Variants in TTLL12 observed in about 807,000 individuals in gnomAD.
TTLL12 encodes the protein tubulin tyrosine ligase like 12, also known as tubulin--tyrosine ligase-like protein 12.
In TTLL12, 77 loss-of-function variants were observed where a neutral mutation model predicts 79.6. The observed-to-expected ratio is 0.97, with a 90% CI of 0.81 to 1.17. TTLL12 has a LOEUF of 1.17. Ranked by LOEUF, TTLL12 falls within the 50% of genes most tolerant of loss-of-function variation. The probability of loss-of-function intolerance (pLI) is 0.00; values close to 1 mark genes in which losing one functional copy is unlikely to be tolerated. For missense variants in TTLL12, 969 were observed against 895.9 expected, an observed-to-expected ratio of 1.08 and a Z score of -1.04; for synonymous variants, 437 against 376.1, an observed-to-expected ratio of 1.16 and a Z score of -1.87.
chr22:43,180,697 C>G, intron 3 of TTLL12, 45 bp downstream of exon 3: 2 of 1,596,036 alleles, frequency 1.3e-6, no homozygotes, highest in South Asian at 2.2e-5. Context: ...GAGGTCTGTG[C>G]CCATGCCTGT....
intron 11 of TTLL12, among the ~76,000 whole-genome samples, chr22:43,171,152 CAG>C (rs71697558): frequency 0.18 from 26,660 of 152,112 alleles, 2,673 homozygotes; most frequent in South Asian, 0.32. Context: ...AGCCAGGCCA[CAG>C]AGGCCTTCCA....
intron 5 of TTLL12, 79 bp from the exon 6 acceptor site, chr22:43,176,475 A>G: frequency 8.4e-7 from 1 of 1,193,182 alleles, no homozygotes; most frequent in South Asian, 1.3e-5. Context: ...CATGTCCATA[A>G]TCCCAGCACT....
rs547276302 is a variant in TTLL12, at chr22:43,167,139, A to C, written c.*869T>G. On this transcript the variant is annotated 3_prime_UTR_variant, in exon 14 of 14. Transcript: ENST00000216129. Reference sequence around the variant, plus strand: ...TAGGTGGCATCTGACTTTAACCTGAAGTTCTCATTGGAATCCTTTTCTGTC... The same window carrying C: ...TAGGTGGCATCTGACTTTAACCTGACGTTCTCATTGGAATCCTTTTCTGTC... 1.9e-6 allele frequency: 1 copy of C among 525,130 alleles called. No homozygotes were observed. Among genetic ancestry groups the C allele is most frequent in the East Asian group, 5.5e-5 (1 of 18,116 alleles). 32.5% of individuals were successfully genotyped at this position (525,130 alleles called of 1,614,324 possible).
intron 6 of TTLL12, chr22:43,175,816 G>A (rs985045703): frequency 6.6e-6 from 1 of 151,238 alleles, no homozygotes; most frequent in Non-Finnish European, 1.5e-5. Context: ...GTGATTACAG[G>A]CGCCAGCCAC....
At position 43,185,988 on chromosome 22, in the gene TTLL12, A is replaced by T. The variant is rs897276184; in HGVS notation, c.177+905T>A. ...GCACGTTTCCAGCAGGAAGGTTCCT[A>T]GTCCAATCAGGATTACACAGAGAAA... On this transcript the variant is annotated intron_variant, in intron 1 of 13. Coordinates refer to ENST00000216129, the MANE Select transcript of TTLL12 (RefSeq NM_015140.4). 1.5e-5 allele frequency: 15 copies of T among 985,346 alleles called. No homozygotes were observed. The African/African-American group carries it at 2.6e-4, about 17-fold the overall frequency. The allele number at this position is 985,346 out of a possible 1,614,324, so 61.0% of individuals were successfully genotyped here.
rs762176522 is a variant in TTLL12, at chr22:43,183,041, C to T, written c.286G>A (p.Glu96Lys). 5.6e-6 allele frequency: 9 copies of T among 1,614,000 alleles called. No homozygotes were observed. The highest frequency in any genetic ancestry group is 2.2e-5 in the South Asian group (2 of 91,092). Residue 96 changes from glutamate (E) to lysine (K), a missense_variant, in exon 2 of 14, where the codon GAG becomes AAG. Glu to Lys is a moderately conservative substitution (Grantham distance 56). Coordinates refer to ENST00000216129, the MANE Select transcript of TTLL12 (RefSeq NM_015140.4). ...VRKQQPNPGN[E>K]LCYKVIVTRE... is the part of the protein sequence containing the mutation. ...GTCACGATGACCTTGTAGCACAGCT[C>T]GTTCCCCGGGTTGGGCTGCTGCTTC... is the stretch of plus-strand genomic sequence containing the variant.
At position 43,183,150 on chromosome 22, in the gene TTLL12, C is replaced by G. The variant is rs767290516; in HGVS notation, c.178-1G>C. 1.5e-5 allele frequency: 25 copies of G among 1,613,654 alleles called. No individual in the cohort carries two copies. The highest frequency in any genetic ancestry group is 1.9e-5 in the Non-Finnish European group (23 of 1,179,856). On this transcript the variant is annotated splice_acceptor_variant, in intron 1 of 13. Coordinates refer to ENST00000216129, the MANE Select transcript of TTLL12 (RefSeq NM_015140.4). LOFTEE classifies it high-confidence loss of function. ...CAAACACTTCCCCAGCGTCGAAAAC[C>G]TGGGGGCCAGAGTTCCCGTCAGCAG...
At chr22:43,173,373 C>T (rs888953595) in intron 9 of TTLL12, among the ~76,000 whole-genome samples, 2 of 152,170 alleles carry the variant, frequency 1.3e-5, no homozygotes, top group Admixed American at 6.5e-5. Context: ...TGCAGTGACG[C>T]GATCACAGCT....
chr22:43,180,292 T>TG (rs912378636), intron 3 of TTLL12, among the ~76,000 whole-genome samples: 8 of 151,728 alleles, frequency 5.3e-5, no homozygotes, highest in African/African-American at 1.2e-4. Context: ...TTGAGGGTAA[T>TG]GGGGGGGTCG....
At position 43,167,472 on chromosome 22, in the gene TTLL12, G is replaced by A. The variant is rs1931645443; in HGVS notation, c.*536C>T. On this transcript the variant is annotated 3_prime_UTR_variant, in exon 14 of 14. Transcript: ENST00000216129. ...CTCAGGCTGTTCCTGGGCCCCTGTC[G>A]CATAGAGCCCTGTGGGTGCAGTGTG... The A allele has an allele frequency of 1.1e-5, 3 of 266,482 alleles. No individual in the cohort carries two copies. Among genetic ancestry groups the A allele is most frequent in the Non-Finnish European group, 2.2e-5 (3 of 133,850 alleles). The allele number at this position is 266,482 out of a possible 1,614,324, so 16.5% of individuals were successfully genotyped here.
At chr22:43,186,138 C>T (rs1298164928) in intron 1 of TTLL12, 1 of 319,822 alleles carries the variant, frequency 3.1e-6, no homozygotes, top group Non-Finnish European at 4.5e-6. Flanking sequence ...GGCTCATCTC[C>T]GTCCGGGAGA....
Position 43,182,093 on chromosome 22 carries a change from C to T in TTLL12, c.347+887G>A, listed in dbSNP as rs142063848. Among the ~76,000 whole-genome samples, 1,090 of 143,156 alleles carry T rather than the reference C, an allele frequency of 7.6e-3. 17 individuals carry two copies. The highest frequency in any genetic ancestry group is 0.026 in the African/African-American group (1,056 of 40,778). 93.9% of individuals were successfully genotyped at this position (143,156 alleles called of 152,430 possible). ...AGGCTCCAAATCCAAGACTCTGGAT[C>T]CCTAGCCTCCCCACCACCCAAAACA... On this transcript the variant is annotated intron_variant, in intron 2 of 13. Transcript: ENST00000216129.
At position 43,176,414 on chromosome 22, in the gene TTLL12, G is replaced by A. The variant is rs9612019; in HGVS notation, c.841-18C>T. 206,604 of 1,593,216 alleles carry A rather than the reference G, an allele frequency of 0.13. 14,560 individuals carry two copies. The highest frequency in any genetic ancestry group is 0.21 in the Admixed American group (11,909 of 55,504). On this transcript the variant is annotated intron_variant, in intron 5 of 13. Coordinates refer to ENST00000216129, the MANE Select transcript of TTLL12 (RefSeq NM_015140.4). ...AGAATGGCCTAAAAGGAAACACACC[G>A]GAAGTAGAGATGAGGTCAAGGAAGG...
Position 43,169,581 on chromosome 22 carries a change from C to A in TTLL12, c.1576-13G>T, listed in dbSNP as rs750581970. On this transcript the variant is annotated splice_polypyrimidine_tract_variant and intron_variant, in intron 11 of 13. Coordinates refer to ENST00000216129, the MANE Select transcript of TTLL12 (RefSeq NM_015140.4). ...CTTCACAGTGCACCTGCAACAGACA[C>A]AGGGCCCATCACGCTCTGTACAGGC... 5.0e-6 allele frequency: 8 copies of A among 1,612,960 alleles called. No homozygotes were observed.
rs576884647 is a variant in TTLL12, at chr22:43,180,892, G to A, written c.396C>T (p.Arg132=). Residue 132 remains arginine (R), a synonymous_variant, in exon 3 of 14, where the codon CGC becomes CGT. Transcript: ENST00000216129. The stretch of plus-strand genomic sequence containing the variant: ...GCCCGGGCACCTGCTGCAGCTGCTG[G>A]CGCGCGTGCTCCACACGGCACGTCC... ...HAWTCRVEHA[R]QQLQQVPGLL... The A allele has an allele frequency of 6.2e-7, 1 of 1,612,824 alleles. No homozygotes were observed. Among genetic ancestry groups the A allele is most frequent in the East Asian group, 2.2e-5 (1 of 44,878 alleles).
chr22:43,170,197 C>CGCCT (rs1463844911), intron 11 of TTLL12: 2 of 343,276 alleles, frequency 5.8e-6, no homozygotes, highest in East Asian at 1.5e-4. Context: ...AGAGGACTCC[C>CGCCT]GGGATGACCC....
intron 9 of TTLL12, 130 bp downstream of exon 9, chr22:43,173,585 T>C: frequency 1.3e-6 from 1 of 790,936 alleles, no homozygotes. Context: ...AGTGCTGAGA[T>C]TACAGGTGTA....
At chr22:43,181,494 G>T (rs1932055320) in intron 2 of TTLL12, among the ~76,000 whole-genome samples, 1 of 152,240 alleles carries the variant, frequency 6.6e-6, no homozygotes, top group Admixed American at 6.5e-5. Flanking sequence ...GAAGCACCAA[G>T]GCCTTTGTGT....
intron 2 of TTLL12, 134 bp downstream of exon 2, chr22:43,182,846 C>A (rs552873111): frequency 8.1e-7 from 1 of 1,238,236 alleles, no homozygotes; most frequent in Non-Finnish European, 1.1e-6. Context: ...CACCGCTGGC[C>A]ACACGTGCTT....
Sources: gnomAD v4.1 joint callset for allele counts (sites outside exome capture counted in the v4.1 genomes callset) on GRCh38, gnomAD v4.1.1 for gene constraint, MANE v1.5 for transcripts, NCBI Gene and HGNC (gene_info 2026-07-23, HGNC 2026-07-21) for gene names.